The following LRIF1 variants were observed in gnomAD, a reference collection of about 807,000 sequenced individuals.
LRIF1 encodes the protein ligand dependent nuclear receptor interacting factor 1, also known as ligand-dependent nuclear receptor-interacting factor 1.
Under a neutral mutation model 52.7 loss-of-function variants are expected in LRIF1, and 32 were observed. The ratio of observed to expected loss-of-function variants is 0.61; its 90% CI spans 0.46 to 0.82. The LOEUF (loss-of-function observed/expected upper bound fraction) is 0.82, where lower values mean the gene tolerates loss of function less well. Ranked by LOEUF, LRIF1 falls within the 40% of genes least tolerant of loss-of-function variation. The probability of loss-of-function intolerance (pLI) is 0.00; values close to 1 mark genes in which losing one functional copy is unlikely to be tolerated. For missense variants in LRIF1, 887 were observed against 892.0 expected (o/e 0.99, Z 0.07); for synonymous variants, 323 against 317.4 (o/e 1.02, Z -0.19).
chr1:110,911,723 T>A, the LRIF1 span, among the ~76,000 whole-genome samples: 1 of 152,154 alleles, frequency 6.6e-6, no homozygotes, highest in Admixed American at 6.5e-5. Context: ...GTAAATGTGA[T>A]TCGTCGCATA....
intron 1 of LRIF1, among the ~76,000 whole-genome samples, chr1:110,960,417 TC>T (rs1346189600): frequency 6.6e-6 from 1 of 152,092 alleles, no homozygotes; most frequent in East Asian, 1.9e-4. Flanking sequence ...GCATCATCAT[TC>T]CAGTCAAACC....
the LRIF1 span, among the ~76,000 whole-genome samples, chr1:110,888,680 A>G: frequency 6.6e-6 from 1 of 152,262 alleles, no homozygotes; most frequent in Non-Finnish European, 1.5e-5. Context: ...ATAACATTTT[A>G]GTTATCTCAA....
chr1:110,907,934 A>G, the LRIF1 span, among the ~76,000 whole-genome samples: 2 of 152,138 alleles, frequency 1.3e-5, no homozygotes, highest in Admixed American at 6.5e-5. Context: ...TCTCTCCCCT[A>G]TTGCAATAGT....
At chr1:110,958,571 T>C (rs1433862955) in intron 1 of LRIF1, among the ~76,000 whole-genome samples, 1 of 152,190 alleles carries the variant, frequency 6.6e-6, no homozygotes, top group Non-Finnish European at 1.5e-5. Context: ...ATGATGTCTA[T>C]ATTTCTGCTT....
At chr1:110,910,120 A>G in the LRIF1 span, among the ~76,000 whole-genome samples, 5 of 152,150 alleles carry the variant, frequency 3.3e-5, no homozygotes, top group African/African-American at 1.2e-4. Context: ...TTCACAGATC[A>G]TCAACGCAGA....
At chr1:110,938,520 A>G in the LRIF1 span, 3 of 152,210 alleles carry the variant, frequency 2.0e-5, no homozygotes, top group Non-Finnish European at 4.4e-5. Flanking sequence ...TTTCATGACA[A>G]AAACCCTCAA....
intron 1 of LRIF1, among the ~76,000 whole-genome samples, chr1:110,957,204 T>TCC (rs2101118039): frequency 6.7e-6 from 1 of 148,496 alleles, no homozygotes; most frequent in East Asian, 2.0e-4. Flanking sequence ...ACGCCTGTAA[T>TCC]CCCAGCACTT....
At chr1:110,924,983 CA>C in the LRIF1 span, among the ~76,000 whole-genome samples, 3 of 152,184 alleles carry the variant, frequency 2.0e-5, no homozygotes, top group Admixed American at 1.3e-4. Flanking sequence ...ATAATTTTAA[CA>C]TTCACTAATT....
At chr1:110,894,562 G>C in the LRIF1 span, among the ~76,000 whole-genome samples, 1 of 151,950 alleles carries the variant, frequency 6.6e-6, no homozygotes, top group South Asian at 2.1e-4. Flanking sequence ...GGGAAAATTT[G>C]TATGAAAGAG....
chr1:110,886,069 C>CT, the LRIF1 span, among the ~76,000 whole-genome samples: 3 of 152,066 alleles, frequency 2.0e-5, no homozygotes, highest in East Asian at 5.8e-4. Context: ...ATTCTTTCAC[C>CT]TTTTGTATAT....
chr1:110,932,309 T>A, the LRIF1 span, among the ~76,000 whole-genome samples: 2 of 152,222 alleles, frequency 1.3e-5, no homozygotes, highest in Non-Finnish European at 2.9e-5. Flanking sequence ...GTGGTGTTAT[T>A]TCTGATGCCT....
the LRIF1 span, among the ~76,000 whole-genome samples, chr1:110,929,683 A>C: frequency 6.6e-6 from 1 of 152,180 alleles, no homozygotes; most frequent in African/African-American, 2.4e-5. Flanking sequence ...CATAGTTTAC[A>C]AAAAAGAATG....
At chr1:110,915,106 T>G in the LRIF1 span, among the ~76,000 whole-genome samples, 2 of 152,188 alleles carry the variant, frequency 1.3e-5, no homozygotes, top group Non-Finnish European at 2.9e-5. Flanking sequence ...TAAGGAATTA[T>G]AGTACATAGT....
At chr1:110,909,225 G>A in the LRIF1 span, among the ~76,000 whole-genome samples, 1 of 152,066 alleles carries the variant, frequency 6.6e-6, no homozygotes, top group Admixed American at 6.6e-5. Context: ...CCTTAAGGGA[G>A]GGCTAAACAT....
At chr1:110,880,516 T>C in the LRIF1 span, among the ~76,000 whole-genome samples, 2 of 152,156 alleles carry the variant, frequency 1.3e-5, no homozygotes, top group South Asian at 2.1e-4. Flanking sequence ...CTGAACTAAT[T>C]GTCACAGGAT....
At chr1:110,930,572 A>G in the LRIF1 span, among the ~76,000 whole-genome samples, 1 of 152,068 alleles carries the variant, frequency 6.6e-6, no homozygotes, top group African/African-American at 2.4e-5. Context: ...ATATTATACT[A>G]TTGGATTAAG....
chr1:110,961,683 A>C (rs1022515721), intron 1 of LRIF1, among the ~76,000 whole-genome samples: 2 of 152,188 alleles, frequency 1.3e-5, no homozygotes, highest in African/African-American at 4.8e-5. Context: ...ATAGTCATTT[A>C]AGTTATAAAA....
At chr1:110,931,337 G>A in the LRIF1 span, among the ~76,000 whole-genome samples, 2 of 152,138 alleles carry the variant, frequency 1.3e-5, no homozygotes, top group Non-Finnish European at 2.9e-5. Flanking sequence ...TGGCTGCATA[G>A]TATTCCATGG....
chr1:110,962,342 A>T (rs1658996547), intron 1 of LRIF1, among the ~76,000 whole-genome samples: 1 of 152,088 alleles, frequency 6.6e-6, no homozygotes, highest in Non-Finnish European at 1.5e-5. Context: ...TACACCAAAA[A>T]ATGGCTCTTT....
Sources: allele counts gnomAD v4.1 joint callset (sites outside exome capture counted in the v4.1 genomes callset), GRCh38; gene constraint gnomAD v4.1.1; transcripts MANE v1.5; gene names NCBI Gene and HGNC (gene_info 2026-07-23, HGNC 2026-07-21).